TBC1D8: variants seen among roughly 807,000 people sequenced by gnomAD.
TBC1D8 encodes TBC1 domain family member 8, also known as BUB2-like protein 1.
TBC1D8 carries 65 observed loss-of-function variants against 118.8 expected under a neutral mutation model. The ratio of observed to expected loss-of-function variants is 0.55; its 90% CI spans 0.45 to 0.67. The LOEUF (loss-of-function observed/expected upper bound fraction) is 0.67, where lower values mean the gene tolerates loss of function less well. Among genes scored for constraint, TBC1D8 ranks in the 30% least tolerant of loss-of-function variants. The probability of loss-of-function intolerance (pLI) is 0.00; values close to 1 mark genes in which losing one functional copy is unlikely to be tolerated. For missense variants in TBC1D8, 1,376 were observed against 1,471.2 expected (o/e 0.94, Z 1.06); for synonymous variants, 566 against 595.8 (o/e 0.95, Z 0.73).
chr2:101,044,622 CT>C (rs919537702), intron 5 of TBC1D8, among the ~76,000 whole-genome samples: 1 of 152,208 alleles, frequency 6.6e-6, no homozygotes, highest in African/African-American at 2.4e-5. Context: ...AGAAGCACCC[CT>C]ATGAGGATGG....
intron 1 of TBC1D8, among the ~76,000 whole-genome samples, chr2:101,132,460 A>G (rs1678638117): frequency 6.6e-6 from 1 of 152,182 alleles, no homozygotes; most frequent in African/African-American, 2.4e-5. Flanking sequence ...TGTGGTTCGT[A>G]TTACATTGAG....
At chr2:101,009,588 GTGA>G (rs1326794254) in intron 19 of TBC1D8, among the ~76,000 whole-genome samples, 1 of 152,008 alleles carries the variant, frequency 6.6e-6, no homozygotes, top group African/African-American at 2.4e-5. Context: ...ATAGCTCTGA[GTGA>G]TGAAGTTTAA....
chr2:101,085,621 G>A (rs1196238270), intron 2 of TBC1D8, among the ~76,000 whole-genome samples: 2 of 152,096 alleles, frequency 1.3e-5, no homozygotes, highest in South Asian at 2.1e-4. Flanking sequence ...GCAAACACTC[G>A]ACTGCTAAAG....
chr2:101,134,997 C>A (rs539609516), intron 1 of TBC1D8, among the ~76,000 whole-genome samples: 1 of 152,212 alleles, frequency 6.6e-6, no homozygotes, highest in East Asian at 1.9e-4. Context: ...CATAGTGAAA[C>A]CCCGTCTCTA....
At chr2:101,042,937 G>A (rs1478602168) in intron 5 of TBC1D8, among the ~76,000 whole-genome samples, 1 of 152,182 alleles carries the variant, frequency 6.6e-6, no homozygotes, top group East Asian at 1.9e-4. Flanking sequence ...AACCATGCCA[G>A]GCTGGGCTCC....
At chr2:101,085,240 G>A (rs1039424758) in intron 2 of TBC1D8, among the ~76,000 whole-genome samples, 7 of 152,096 alleles carry the variant, frequency 4.6e-5, no homozygotes, top group Non-Finnish European at 1.0e-4. Context: ...AGGATTGGAT[G>A]AGTAAATTGA....
At chr2:101,011,599 G>GT (rs1679218552) in intron 17 of TBC1D8, 59 bp from the exon 18 acceptor site, 3 of 1,568,830 alleles carry the variant, frequency 1.9e-6, no homozygotes, top group Non-Finnish European at 2.6e-6. Flanking sequence ...AAAACTGACA[G>GT]TAATGTAGCT....
intron 1 of TBC1D8, among the ~76,000 whole-genome samples, chr2:101,108,458 TAG>T (rs1474285694): frequency 6.6e-6 from 1 of 152,156 alleles, no homozygotes; most frequent in Non-Finnish European, 1.5e-5. Context: ...ACAACCATAA[TAG>T]CTTAAAACAA....
intron 6 of TBC1D8, among the ~76,000 whole-genome samples, 176 bp from the exon 7 acceptor site, chr2:101,038,831 C>T (rs1681201285): frequency 6.6e-6 from 1 of 152,174 alleles, no homozygotes. Context: ...CTGTGCAAGG[C>T]TGCATCAAGG....
chr2:101,125,556 C>G (rs1678312733), intron 1 of TBC1D8, among the ~76,000 whole-genome samples: 1 of 152,174 alleles, frequency 6.6e-6, no homozygotes, highest in Non-Finnish European at 1.5e-5. Flanking sequence ...AGCCCCGTGC[C>G]CTTACTATCA....
intron 2 of TBC1D8, among the ~76,000 whole-genome samples, chr2:101,088,653 C>T (rs960940530): frequency 6.6e-6 from 1 of 152,138 alleles, no homozygotes; most frequent in Non-Finnish European, 1.5e-5. Flanking sequence ...CATCATACCT[C>T]ACTGCAGCCT....
intron 1 of TBC1D8, among the ~76,000 whole-genome samples, chr2:101,101,625 C>T (rs1215781019): frequency 2.0e-5 from 3 of 152,052 alleles, no homozygotes; most frequent in East Asian, 1.9e-4. Flanking sequence ...CTATTTACAA[C>T]AGCAAAGACA....
chr2:101,015,630 A>G (rs1679572526), intron 17 of TBC1D8, among the ~76,000 whole-genome samples: 1 of 152,240 alleles, frequency 6.6e-6, no homozygotes, highest in Non-Finnish European at 1.5e-5. Context: ...ACCTAAGCCA[A>G]AAGAACAAAG....
chr2:101,113,323 C>G (rs1677686956), intron 1 of TBC1D8, among the ~76,000 whole-genome samples: 1 of 152,084 alleles, frequency 6.6e-6, no homozygotes, highest in South Asian at 2.1e-4. Context: ...TCCTTCTAGC[C>G]TCTTTCCTTA....
chr2:101,150,775 C>A (rs1679523932), intron 1 of TBC1D8, among the ~76,000 whole-genome samples: 2 of 152,180 alleles, frequency 1.3e-5, no homozygotes, highest in African/African-American at 4.8e-5. Flanking sequence ...TGGCCCCACA[C>A]AGCAGCCTCG....
At chr2:101,060,089 A>C (rs1043926136) in intron 2 of TBC1D8, among the ~76,000 whole-genome samples, 1 of 152,252 alleles carries the variant, frequency 6.6e-6, no homozygotes, top group African/African-American at 2.4e-5. Flanking sequence ...CAGGTGGCCA[A>C]GTGAGTTACC....
chr2:101,037,238 G>A (rs1681067839), intron 8 of TBC1D8, among the ~76,000 whole-genome samples: 1 of 152,212 alleles, frequency 6.6e-6, no homozygotes, highest in Admixed American at 6.5e-5. Flanking sequence ...AGCACTGGCT[G>A]GAAGGAGAGG....
At chr2:101,091,549 A>G (rs569036954) in intron 1 of TBC1D8, among the ~76,000 whole-genome samples, 48 of 152,046 alleles carry the variant, frequency 3.2e-4, no homozygotes, top group African/African-American at 9.9e-4. Context: ...ATACAGTGAG[A>G]TCTCATCTCT....
intron 2 of TBC1D8, among the ~76,000 whole-genome samples, chr2:101,074,339 C>T (rs1033103238): frequency 6.6e-6 from 1 of 152,142 alleles, no homozygotes; most frequent in Non-Finnish European, 1.5e-5. Context: ...CAACTAAGAT[C>T]ACTGATAACA....
Sources: allele counts gnomAD v4.1 joint callset (sites outside exome capture counted in the v4.1 genomes callset), GRCh38; gene constraint gnomAD v4.1.1; transcripts MANE v1.5; gene names NCBI Gene and HGNC (gene_info 2026-07-23, HGNC 2026-07-21).